Variants in EEA1 observed in about 807,000 individuals in gnomAD.
EEA1 encodes the protein early endosome antigen 1, 162kD.
EEA1 carries 111 observed loss-of-function variants against 209.2 expected under a neutral mutation model. That is an observed-to-expected ratio of 0.53 (90% confidence interval 0.45 to 0.62). The LOEUF (loss-of-function observed/expected upper bound fraction) is 0.62. EEA1 is among the 20% of genes least tolerant of loss of function. The probability of loss-of-function intolerance (pLI) is 0.00; values close to 1 mark genes in which losing one functional copy is unlikely to be tolerated. For missense variants in EEA1, 1,343 were observed against 1,530.8 expected, an observed-to-expected ratio of 0.88 and a Z score of 2.05; for synonymous variants, 536 against 540.6, an observed-to-expected ratio of 0.99 and a Z score of 0.12.
chr12:92,809,523 T>TAAAAAAAA (rs57998627), intron 17 of EEA1, among the ~76,000 whole-genome samples: 1 of 107,024 alleles, frequency 9.3e-6, no homozygotes, highest in Non-Finnish European at 1.9e-5. Flanking sequence ...TTATCTCTAC[T>TAAAAAAAA]AAAAAAAAAA....
intron 9 of EEA1, among the ~76,000 whole-genome samples, chr12:92,848,722 C>CTTTTTTTTTTTTT: frequency 1.5e-5 from 1 of 64,548 alleles, no homozygotes; most frequent in Non-Finnish European, 2.7e-5. Context: ...ATATTCTCAC[C>CTTTTTTTTTTTTT]TTTTTTTTTT....
At chr12:92,881,084 C>A (rs7980123) in intron 2 of EEA1, among the ~76,000 whole-genome samples, 204 of 152,002 alleles carry the variant, frequency 1.3e-3, no homozygotes, top group African/African-American at 4.8e-3. Flanking sequence ...ATGAGGTAGT[C>A]CTCCCACTGC....
chr12:92,832,909 C>T (rs768742645), intron 10 of EEA1, 59 bp from the exon 11 acceptor site: 8 of 1,251,858 alleles, frequency 6.4e-6, no homozygotes, highest in Admixed American at 2.5e-5. Flanking sequence ...ACTCCAATTA[C>T]TCAAACAATC....
intron 9 of EEA1, among the ~76,000 whole-genome samples, chr12:92,847,918 G>C (rs554636523): frequency 6.6e-6 from 1 of 152,062 alleles, no homozygotes; most frequent in African/African-American, 2.4e-5. Context: ...AAAAGAGTAA[G>C]AGTTTGTTTC....
chr12:92,795,995 A>AT (rs1002186012), intron 21 of EEA1, among the ~76,000 whole-genome samples: 10 of 151,858 alleles, frequency 6.6e-5, no homozygotes, highest in East Asian at 3.9e-4. Flanking sequence ...TCATTCATTC[A>AT]TTTTTTTAAA....
At chr12:92,857,657 G>A (rs769796129) in intron 3 of EEA1, among the ~76,000 whole-genome samples, 172 bp from the exon 4 acceptor site, 1 of 151,770 alleles carries the variant, frequency 6.6e-6, no homozygotes, top group Non-Finnish European at 1.5e-5. Context: ...TCAGAAAAAC[G>A]ATTTTATTCC....
intron 9 of EEA1, among the ~76,000 whole-genome samples, chr12:92,846,742 AAAAAG>A (rs1241940750): frequency 6.6e-6 from 1 of 152,244 alleles, no homozygotes; most frequent in African/African-American, 2.4e-5. Flanking sequence ...ATACCCAGGC[AAAAAG>A]AAGTCAATGA....
At chr12:92,853,120 CTTAAG>C (rs1451199328) in intron 6 of EEA1, 95 bp from the exon 7 acceptor site, 1 of 797,504 alleles carries the variant, frequency 1.3e-6, no homozygotes, top group African/African-American at 1.8e-5. Context: ...AGATGATCAA[CTTAAG>C]TTTATTATCC....
intron 20 of EEA1, among the ~76,000 whole-genome samples, chr12:92,799,851 G>A (rs1022598231): frequency 6.6e-5 from 10 of 151,894 alleles, no homozygotes; most frequent in Admixed American, 3.3e-4. Flanking sequence ...CACAGTTGTC[G>A]CAAAGAATAG....
chr12:92,891,985 T>C (rs1213561417), intron 1 of EEA1, among the ~76,000 whole-genome samples: 2 of 152,230 alleles, frequency 1.3e-5, no homozygotes, highest in African/African-American at 4.8e-5. Flanking sequence ...CAAAACATCA[T>C]ATTTAATCAA....
intron 2 of EEA1, among the ~76,000 whole-genome samples, chr12:92,874,182 A>G (rs1043826708): frequency 2.6e-5 from 4 of 151,986 alleles, no homozygotes; most frequent in Admixed American, 1.3e-4. Flanking sequence ...TTAGCCAGGC[A>G]TGGTGGCATG....
chr12:92,871,463 C>T (rs1878641701), intron 2 of EEA1, among the ~76,000 whole-genome samples: 2 of 152,196 alleles, frequency 1.3e-5, no homozygotes, highest in African/African-American at 2.4e-5. Context: ...TTTCATCGTG[C>T]ACTTTCTGGT....
At chr12:92,829,529 A>G (rs568482571) in intron 11 of EEA1, among the ~76,000 whole-genome samples, 4 of 152,252 alleles carry the variant, frequency 2.6e-5, no homozygotes, top group Non-Finnish European at 5.9e-5. Context: ...CTGTAATCCT[A>G]GCACTTTGGG....
At chr12:92,882,533 G>A (rs1879195688) in intron 2 of EEA1, among the ~76,000 whole-genome samples, 1 of 150,012 alleles carries the variant, frequency 6.7e-6, no homozygotes, top group African/African-American at 2.5e-5. Flanking sequence ...ACTAAGTATA[G>A]TACCCAACAG....
chr12:92,861,068 C>G (rs1410552936), intron 3 of EEA1, among the ~76,000 whole-genome samples: 2 of 152,146 alleles, frequency 1.3e-5, no homozygotes, highest in Non-Finnish European at 2.9e-5. Context: ...TTCTGTTCCC[C>G]TCACCTAAGG....
intron 15 of EEA1, among the ~76,000 whole-genome samples, chr12:92,815,305 G>C (rs17790370): frequency 0.25 from 38,542 of 152,024 alleles, 5,353 homozygotes; most frequent in Non-Finnish European, 0.32. Context: ...TTACAATGCA[G>C]AAAGAATCAC....
chr12:92,867,169 C>T (rs1312574998), intron 2 of EEA1, among the ~76,000 whole-genome samples: 1 of 152,172 alleles, frequency 6.6e-6, no homozygotes, highest in Non-Finnish European at 1.5e-5. Flanking sequence ...CCTATGCAGT[C>T]TGATCTCCAG....
At chr12:92,871,524 C>T (rs1467997099) in intron 2 of EEA1, among the ~76,000 whole-genome samples, 1 of 152,128 alleles carries the variant, frequency 6.6e-6, no homozygotes, top group Non-Finnish European at 1.5e-5. Flanking sequence ...ACATAAGGGG[C>T]AGATGAAACC....
chr12:92,861,396 G>A (rs977557162), intron 3 of EEA1, among the ~76,000 whole-genome samples: 14 of 152,148 alleles, frequency 9.2e-5, no homozygotes, highest in Non-Finnish European at 1.6e-4. Flanking sequence ...TATCGGTTGC[G>A]GTGAGCCGAG....
Sources: gnomAD v4.1 joint callset for allele counts (sites outside exome capture counted in the v4.1 genomes callset) on GRCh38, gnomAD v4.1.1 for gene constraint, MANE v1.5 for transcripts, NCBI Gene and HGNC (gene_info 2026-07-23, HGNC 2026-07-21) for gene names.